The following LARS2 variants were observed in gnomAD, a reference collection of about 807,000 sequenced individuals.
LARS2 encodes the protein leucine--tRNA ligase, mitochondrial.
Under a neutral mutation model 116.6 loss-of-function variants are expected in LARS2, and 81 were observed. That is an observed-to-expected ratio of 0.69 (90% CI 0.58 to 0.84). The LOEUF (loss-of-function observed/expected upper bound fraction) is 0.84, where lower values mean the gene tolerates loss of function less well. Ranked by LOEUF, LARS2 falls within the 40% of genes least tolerant of loss-of-function variation. The probability of loss-of-function intolerance (pLI) is 0.00; values close to 1 mark genes in which losing one functional copy is unlikely to be tolerated. For missense variants in LARS2, 968 were observed against 1,114.5 expected, an observed-to-expected ratio of 0.87 and a Z score of 1.87; for synonymous variants, 396 against 407.2, an observed-to-expected ratio of 0.97 and a Z score of 0.33.
At chr3:45,417,139 G>A (rs1196042932) in intron 4 of LARS2, among the ~76,000 whole-genome samples, 4 of 150,160 alleles carry the variant, frequency 2.7e-5, no homozygotes, top group Non-Finnish European at 5.9e-5. Flanking sequence ...TACATTATGT[G>A]TGTGTGTGTG....
intron 14 of LARS2, among the ~76,000 whole-genome samples, chr3:45,497,045 T>A (rs889231125): frequency 6.6e-6 from 1 of 151,946 alleles, no homozygotes; most frequent in African/African-American, 2.4e-5. Flanking sequence ...GTAGGGAGGG[T>A]GAGACCGCTA....
Position 45,520,236 on chromosome 3 carries a change from A to G in LARS2, c.2232A>G (p.Thr744=), listed in dbSNP as rs1700431426. Residue 744 remains threonine, a synonymous_variant, in exon 19 of 22, where the codon ACA becomes ACG. Transcript: ENST00000645846. The part of the protein sequence containing the change: ...SVISQVTTHF[T]EDFSLNSAIS... Reference sequence around the variant, plus strand: ...ACTAATAGGTGACCACCCATTTCACAGAGGACTTCTCACTGAATTCTGCAA... The same window carrying G: ...ACTAATAGGTGACCACCCATTTCACGGAGGACTTCTCACTGAATTCTGCAA... 7 of 1,612,674 alleles carry G rather than the reference A, an allele frequency of 4.3e-6. No homozygotes were observed. Among genetic ancestry groups the G allele is most frequent in the Admixed American group, 1.7e-5 (1 of 60,004 alleles).
intron 15 of LARS2, among the ~76,000 whole-genome samples, chr3:45,512,026 C>T (rs566681448): frequency 2.6e-5 from 4 of 152,210 alleles, no homozygotes; most frequent in Non-Finnish European, 5.9e-5. Flanking sequence ...CCACCTGCCT[C>T]GGCCTCCCAA....
Position 45,430,828 on chromosome 3 carries a change from G to A in LARS2, c.516+11099G>A, listed in dbSNP as rs572734669. On this transcript the variant is annotated intron_variant, in intron 6 of 21. Transcript: ENST00000645846. ...TCTCGATCCCCTGACCTCATGATCC[G>A]CCCATCTCGGCCTCCCAAAGTGCTG... is the stretch of plus-strand genomic sequence containing the variant. Among the ~76,000 whole-genome samples the A allele has an allele frequency of 9.9e-5, 15 of 151,382 alleles. No homozygotes were observed. In the Middle Eastern group the frequency reaches 0.01, roughly 104 times the overall value.
In LARS2 at chr3:45,547,387, C is replaced by CA; in HGVS notation, c.2571dup (p.Gln858ThrfsTer68). The stretch of plus-strand genomic sequence containing the variant: ...AGCTTGTGGCAAAATTCCTGTGCCC[C>CA]AACAAGTTGCCCGGGACCAGGACAA... On this transcript the variant is annotated frameshift_variant, in exon 22 of 22. Transcript: ENST00000645846. LOFTEE classifies it high-confidence loss of function. 1 of 1,611,892 alleles carries CA rather than the reference C, an allele frequency of 6.2e-7. No individual in the cohort carries two copies. Among genetic ancestry groups the CA allele is most frequent in the Non-Finnish European group, 8.5e-7 (1 of 1,179,366 alleles).
intron 6 of LARS2, chr3:45,422,344 T>C (rs573005457): frequency 6.6e-6 from 1 of 152,326 alleles, no homozygotes; most frequent in African/African-American, 2.4e-5. Context: ...TTACAAATAA[T>C]TTTCCTCAGT....
chr3:45,522,279 T>C (rs1240968805), intron 19 of LARS2, among the ~76,000 whole-genome samples: 1 of 152,210 alleles, frequency 6.6e-6, no homozygotes, highest in African/African-American at 2.4e-5. Context: ...AGATAATTTA[T>C]AATCACAGAG....
At chr3:45,405,028 A>C (rs1038627806) in intron 4 of LARS2, among the ~76,000 whole-genome samples, 1 of 152,140 alleles carries the variant, frequency 6.6e-6, no homozygotes, top group Non-Finnish European at 1.5e-5. Context: ...TATGTCATCC[A>C]CATGTTGTTT....
intron 20 of LARS2, among the ~76,000 whole-genome samples, chr3:45,541,315 G>A (rs927004188): frequency 2.0e-5 from 3 of 152,118 alleles, no homozygotes; most frequent in Admixed American, 2.0e-4. Context: ...CTCCTCTCCC[G>A]AGAGGAAGTT....
intron 19 of LARS2, among the ~76,000 whole-genome samples, chr3:45,521,874 G>A (rs1433068535): frequency 1.3e-5 from 2 of 151,620 alleles, no homozygotes; most frequent in Non-Finnish European, 2.9e-5. Flanking sequence ...TTGGGAGGCC[G>A]AGGCAGCAGG....
intron 20 of LARS2, among the ~76,000 whole-genome samples, chr3:45,539,015 A>T (rs1456693863): frequency 6.6e-6 from 1 of 152,198 alleles, no homozygotes; most frequent in East Asian, 1.9e-4. Context: ...GTAGCTCAGA[A>T]GTGAACAGTT....
chr3:45,488,909 G>T, intron 12 of LARS2, 97 bp downstream of exon 12: 1 of 797,616 alleles, frequency 1.3e-6, no homozygotes, highest in Admixed American at 1.7e-5. Flanking sequence ...TCCTTCACTC[G>T]TCCCCATACC....
intron 20 of LARS2, among the ~76,000 whole-genome samples, chr3:45,530,357 TA>T (rs1700597000): frequency 6.6e-6 from 1 of 152,048 alleles, no homozygotes; most frequent in Non-Finnish European, 1.5e-5. Context: ...CCATCTCTAT[TA>T]AAAATACAAA....
chr3:45,409,187 A>G (rs1156528622), intron 4 of LARS2, among the ~76,000 whole-genome samples: 1 of 145,540 alleles, frequency 6.9e-6, no homozygotes, highest in Non-Finnish European at 1.5e-5. Context: ...AGAGATGCCA[A>G]TAATTTATTT....
At chr3:45,534,275 G>T (rs926873031) in intron 20 of LARS2, among the ~76,000 whole-genome samples, 1 of 152,124 alleles carries the variant, frequency 6.6e-6, no homozygotes, top group Non-Finnish European at 1.5e-5. Context: ...TTACTCATGG[G>T]TATTAGGTGC....
At chr3:45,424,068 C>T (rs1295388022) in intron 6 of LARS2, among the ~76,000 whole-genome samples, 1 of 152,074 alleles carries the variant, frequency 6.6e-6, no homozygotes, top group African/African-American at 2.4e-5. Context: ...CAGGAAGCTG[C>T]CTTCGGTACA....
chr3:45,447,667 T>C (rs554250294), intron 7 of LARS2, among the ~76,000 whole-genome samples: 13 of 152,236 alleles, frequency 8.5e-5, no homozygotes, highest in African/African-American at 3.1e-4. Flanking sequence ...CAAATAAACT[T>C]CTATCAATAA....
intron 14 of LARS2, among the ~76,000 whole-genome samples, chr3:45,499,388 G>A (rs1700079738): frequency 6.6e-6 from 1 of 152,162 alleles, no homozygotes; most frequent in South Asian, 2.1e-4. Context: ...GTTGCAGTGA[G>A]CCGAGATCAC....
chr3:45,457,902 G>C (rs928156545), intron 7 of LARS2, among the ~76,000 whole-genome samples: 3 of 152,112 alleles, frequency 2.0e-5, no homozygotes, highest in African/African-American at 7.2e-5. Context: ...TGTTTTATGT[G>C]CTCTATCAGC....
Sources: gnomAD v4.1 joint callset for allele counts (sites outside exome capture counted in the v4.1 genomes callset) on GRCh38, gnomAD v4.1.1 for gene constraint, MANE v1.5 for transcripts, NCBI Gene and HGNC (gene_info 2026-07-23, HGNC 2026-07-21) for gene names.